The following MON2 variants were observed in gnomAD, a reference collection of about 807,000 sequenced individuals.
MON2 encodes the protein protein MON2 homolog.
Under a neutral mutation model 208.6 loss-of-function variants are expected in MON2, and 84 were observed. That is an observed-to-expected ratio of 0.40 (90% CI 0.34 to 0.48). The LOEUF is 0.48. MON2 is among the 20% of genes least tolerant of loss of function. The probability of loss-of-function intolerance (pLI) is 0.59; values close to 1 mark genes in which losing one functional copy is unlikely to be tolerated. For missense variants in MON2, 1,611 were observed against 2,015.4 expected (o/e 0.80, Z 3.84); for synonymous variants, 660 against 694.0 (o/e 0.95, Z 0.77).
At chr12:62,581,540 A>G (rs1020885645) in intron 32 of MON2, among the ~76,000 whole-genome samples, 1 of 152,212 alleles carries the variant, frequency 6.6e-6, no homozygotes, top group East Asian at 1.9e-4. Context: ...TCTGGGCAAC[A>G]GAGCAAGACT....
At chr12:62,557,534 G>A (rs552025900) in intron 25 of MON2, among the ~76,000 whole-genome samples, 22 of 152,280 alleles carry the variant, frequency 1.4e-4, no homozygotes, top group African/African-American at 4.6e-4. Context: ...TGGTGGTAAT[G>A]CTGGTGGTGG....
intron 23 of MON2, among the ~76,000 whole-genome samples, chr12:62,551,352 AG>A (rs1328377897): frequency 6.6e-6 from 1 of 152,140 alleles, no homozygotes; most frequent in Non-Finnish European, 1.5e-5. Context: ...AGAAATAGGG[AG>A]GCCTGAGAAG....
At chr12:62,500,165 A>T (rs1336038726) in intron 5 of MON2, among the ~76,000 whole-genome samples, 1 of 152,192 alleles carries the variant, frequency 6.6e-6, no homozygotes, top group African/African-American at 2.4e-5. Flanking sequence ...CTGCCATTTA[A>T]TACTTTATAG....
chr12:62,591,363 C>A (rs958917032), intron 34 of MON2, among the ~76,000 whole-genome samples: 9 of 152,286 alleles, frequency 5.9e-5, no homozygotes, highest in African/African-American at 2.2e-4. Flanking sequence ...CCTGAGGAAG[C>A]CCCTGTTTGG....
At chr12:62,534,801 T>C (rs1223209156) in intron 12 of MON2, 44 bp from the exon 13 acceptor site, 10 of 1,374,180 alleles carry the variant, frequency 7.3e-6, no homozygotes, top group Non-Finnish European at 1.0e-5. Context: ...CATATTGTGC[T>C]ATCTATAATT....
intron 2 of MON2, among the ~76,000 whole-genome samples, chr12:62,491,588 A>G (rs1384824214): frequency 1.3e-5 from 2 of 152,186 alleles, no homozygotes; most frequent in African/African-American, 4.8e-5. Context: ...TCAGGTTGCT[A>G]TGTACCATAA....
chr12:62,510,967 G>A (rs2136122383), intron 8 of MON2, among the ~76,000 whole-genome samples: 1 of 152,230 alleles, frequency 6.6e-6, no homozygotes, highest in Non-Finnish European at 1.5e-5. Context: ...TACACTAACA[G>A]TGAACAATTC....
In MON2 at chr12:62,553,084, C is replaced by G. The variant is rs2073817640; in HGVS notation, c.3120C>G (p.Val1040=). 3 of 1,614,066 alleles carry G rather than the reference C, an allele frequency of 1.9e-6. No individual in the cohort carries two copies. Among genetic ancestry groups the G allele is most frequent in the Non-Finnish European group, 2.5e-6 (3 of 1,179,994 alleles). The change falls in exon 24 of 35, where the codon GTC becomes GTG. Residue 1040 remains valine (V), a synonymous_variant. Coordinates refer to ENST00000393630, the MANE Select transcript of MON2 (RefSeq NM_015026.3). The part of the protein sequence containing the change: ...GELCVDPRPA[V]RKSAGQTLFS... ...TATGTGTGGATCCCCGTCCTGCTGTCAGGAAGAGTGCAGGGCAAACTCTGT... is the reference window on the plus strand; with the variant it reads ...TATGTGTGGATCCCCGTCCTGCTGTGAGGAAGAGTGCAGGGCAAACTCTGT...
chr12:62,580,429 A>AT lies in MON2; in HGVS notation c.4699+16dup. On this transcript the variant is annotated intron_variant, in intron 32 of 34. Coordinates refer to ENST00000393630, the MANE Select transcript of MON2 (RefSeq NM_015026.3). Reference sequence around the variant, plus strand: ...GTCATCTTCATTTACAGGTATGTTAATTTTTTTAAGTATTAAAAAGTATTG... The same window carrying AT: ...GTCATCTTCATTTACAGGTATGTTAATTTTTTTTAAGTATTAAAAAGTATTG... 1 of 1,582,510 alleles carries AT rather than the reference A, an allele frequency of 6.3e-7. No individual in the cohort carries two copies. The highest frequency in any genetic ancestry group is 8.6e-7 in the Non-Finnish European group (1 of 1,158,398).
chr12:62,490,547 C>G (rs1441324842), intron 2 of MON2, among the ~76,000 whole-genome samples: 1 of 151,966 alleles, frequency 6.6e-6, no homozygotes, highest in Non-Finnish European at 1.5e-5. Flanking sequence ...ATAATTTATA[C>G]TTTTTTGGAC....
rs1166830842 is a variant in MON2, at chr12:62,538,080, T to C, written c.2119-16T>C. On this transcript the variant is annotated splice_polypyrimidine_tract_variant and intron_variant, in intron 16 of 34. Coordinates refer to ENST00000393630, the MANE Select transcript of MON2 (RefSeq NM_015026.3). ...TTTGTAAAGTTATTTGTTTTGATTT[T>C]TTTTTAATTTTACAGCATCTTGTGT... is the stretch of plus-strand genomic sequence containing the variant. 6 of 1,601,524 alleles carry C rather than the reference T, an allele frequency of 3.7e-6. No individual in the cohort carries two copies. The highest frequency in any genetic ancestry group is 5.1e-6 in the Non-Finnish European group (6 of 1,174,154).
chr12:62,508,640 C>G (rs7294404), intron 8 of MON2, 160 bp downstream of exon 8: 2 of 605,544 alleles, frequency 3.3e-6, no homozygotes, highest in South Asian at 2.1e-5. Context: ...TTGTTCTATC[C>G]TTTCTTGAAT....
At chr12:62,580,591 A>C (rs999428479) in intron 32 of MON2, among the ~76,000 whole-genome samples, 171 bp downstream of exon 32, 1 of 152,208 alleles carries the variant, frequency 6.6e-6, no homozygotes, top group Non-Finnish European at 1.5e-5. Context: ...TGACATGACT[A>C]TTCTGTGGAA....
chr12:62,499,115 G>T, intron 5 of MON2, 67 bp downstream of exon 5: 2 of 1,546,522 alleles, frequency 1.3e-6, no homozygotes, highest in Non-Finnish European at 8.8e-7. Context: ...ATTAACTTTC[G>T]GCCTTTGCTC....
At position 62,595,621 on chromosome 12, in the gene MON2, C is replaced by G. The variant is rs1273311486; in HGVS notation, c.*2872C>G. ...AATTGTTAACTTGCATAGATTACTTCTTAGTTTCCTATGCTACCACCACTG... is the reference window on the plus strand; with the variant it reads ...AATTGTTAACTTGCATAGATTACTTGTTAGTTTCCTATGCTACCACCACTG... On this transcript the variant is annotated 3_prime_UTR_variant, in exon 35 of 35. Coordinates refer to ENST00000393630, the MANE Select transcript of MON2 (RefSeq NM_015026.3). The G allele has an allele frequency of 2.6e-5, 4 of 152,156 alleles. No homozygotes were observed. The highest frequency in any genetic ancestry group is 5.9e-5 in the Non-Finnish European group (4 of 68,018). The allele number at this position is 152,156 out of a possible 1,614,324, so 9.4% of individuals were successfully genotyped here. A position where few individuals can be genotyped will look rare whatever the true frequency, so the allele number is the denominator to read the frequency against.
chr12:62,564,108 A>G (rs11174548), intron 26 of MON2, among the ~76,000 whole-genome samples: 6,873 of 152,158 alleles, frequency 0.045, 218 homozygotes, highest in Non-Finnish European at 0.059. Context: ...TTATAGGACA[A>G]TCACACTTGG....
At chr12:62,517,641 G>T (rs1490312919) in intron 8 of MON2, among the ~76,000 whole-genome samples, 8 of 152,116 alleles carry the variant, frequency 5.3e-5, no homozygotes, top group Non-Finnish European at 1.5e-5. Flanking sequence ...GCATCCATTT[G>T]CAAGCTCAGA....
intron 8 of MON2, among the ~76,000 whole-genome samples, chr12:62,524,044 A>G (rs1391820052): frequency 6.6e-6 from 1 of 152,126 alleles, no homozygotes; most frequent in Non-Finnish European, 1.5e-5. Context: ...GTCAACTGCT[A>G]TAGGTTCCTC....
At chr12:62,582,666 A>C (rs1486277863) in intron 32 of MON2, among the ~76,000 whole-genome samples, 1 of 152,200 alleles carries the variant, frequency 6.6e-6, no homozygotes, top group African/African-American at 2.4e-5. Flanking sequence ...ATCGCTTACA[A>C]AAGTGTCTTG....
Sources: allele counts gnomAD v4.1 joint callset (sites outside exome capture counted in the v4.1 genomes callset), GRCh38; gene constraint gnomAD v4.1.1; transcripts MANE v1.5; gene names NCBI Gene and HGNC (gene_info 2026-07-23, HGNC 2026-07-21).